FAS: variants seen among roughly 807,000 people sequenced by gnomAD.
FAS encodes tumor necrosis factor receptor superfamily member 6.
A neutral mutation model predicts 33.2 loss-of-function variants in FAS; 5 were observed. That is an observed-to-expected ratio of 0.15 (90% CI 0.08 to 0.32). The LOEUF (loss-of-function observed/expected upper bound fraction) is 0.32. Among genes scored for constraint, FAS ranks in the 10% least tolerant of loss-of-function variants. The pLI is 1.00. For missense variants in FAS, 339 were observed against 386.0 expected (o/e 0.88, Z 1.02); for synonymous variants, 131 against 130.7 (o/e 1.00, Z -0.01).
At chr10:89,007,635 A>G (rs947279537) in intron 2 of FAS, 65 bp from the exon 3 acceptor site, 19 of 1,592,670 alleles carry the variant, frequency 1.2e-5, no homozygotes, top group Middle Eastern at 1.7e-4. Context: ...TCATCCCTCT[A>G]TAGTTCCCAC....
intron 3 of FAS, among the ~76,000 whole-genome samples, chr10:89,008,255 C>G: frequency 6.6e-6 from 1 of 152,142 alleles, no homozygotes; most frequent in East Asian, 1.9e-4. Context: ...TTTAGTTTGT[C>G]CTGATAATTC....
chr10:89,009,990 C>T (rs548180711), intron 4 of FAS, among the ~76,000 whole-genome samples: 1 of 152,256 alleles, frequency 6.6e-6, no homozygotes, highest in African/African-American at 2.4e-5. Context: ...GCTGTGAACT[C>T]AGACAACCTG....
At chr10:88,967,808 A>G (rs1846346312) in intron 1 of FAS, among the ~76,000 whole-genome samples, 1 of 152,236 alleles carries the variant, frequency 6.6e-6, no homozygotes, top group African/African-American at 2.4e-5. Flanking sequence ...AACTCATTTC[A>G]ATCATCCCTA....
Position 89,004,136 on chromosome 10 carries a change from A to G in FAS, c.196+942A>G, listed in dbSNP as rs575646569. Among the ~76,000 whole-genome samples the G allele has an allele frequency of 9.2e-5, 14 of 152,276 alleles. No individual in the cohort carries two copies. The East Asian group carries it at 9.6e-4, about 10-fold the overall frequency. On this transcript the variant is annotated intron_variant, in intron 2 of 8. Coordinates refer to ENST00000652046, the MANE Select transcript of FAS (RefSeq NM_000043.6). ...TATTATAACCTGCTAAACACAATCAATTTGCTCTATGAATTGAAATCTTTG... is the reference window on the plus strand; with the variant it reads ...TATTATAACCTGCTAAACACAATCAGTTTGCTCTATGAATTGAAATCTTTG...
intron 2 of FAS, among the ~76,000 whole-genome samples, chr10:88,976,579 C>T (rs1846569609): frequency 6.6e-6 from 1 of 152,150 alleles, no homozygotes; most frequent in South Asian, 2.1e-4. Flanking sequence ...TTCCTTTCCA[C>T]TAAATTGAAA....
intron 2 of FAS, among the ~76,000 whole-genome samples, chr10:88,981,431 A>T (rs1333600958): frequency 6.6e-6 from 1 of 151,550 alleles, no homozygotes; most frequent in African/African-American, 2.4e-5. Flanking sequence ...CATCGTCGTG[A>T]TTTATACTTT....
intron 2 of FAS, chr10:88,974,453 A>G (rs1052075210): frequency 6.6e-6 from 1 of 152,244 alleles, no homozygotes; most frequent in South Asian, 2.1e-4. Flanking sequence ...AGAGAATGCA[A>G]TTTATTAAAT....
chr10:88,965,366 T>C (rs917255836), intron 1 of FAS, among the ~76,000 whole-genome samples: 1 of 152,178 alleles, frequency 6.6e-6, no homozygotes, highest in Admixed American at 6.6e-5. Flanking sequence ...GCAATGACCA[T>C]CTCAGACGTT....
At chr10:88,972,802 T>C (rs578186233) in intron 1 of FAS, among the ~76,000 whole-genome samples, 2 of 152,352 alleles carry the variant, frequency 1.3e-5, no homozygotes, top group South Asian at 4.1e-4. Context: ...TCTAGTTAAC[T>C]ATATGTGCTA....
chr10:89,013,590 T>C, intron 8 of FAS, among the ~76,000 whole-genome samples: 1 of 152,206 alleles, frequency 6.6e-6, no homozygotes, highest in East Asian at 1.9e-4. Context: ...GACACAATAG[T>C]CTGAGGCTTA....
At chr10:88,987,594 T>C (rs1846941654), upstream of FAS, among the ~76,000 whole-genome samples, 1 of 152,178 alleles carries the variant, frequency 6.6e-6, no homozygotes, top group South Asian at 2.1e-4. Context: ...TCAAATCCAA[T>C]GAAAAAGAAA....
intron 1 of FAS, among the ~76,000 whole-genome samples, chr10:88,965,806 CT>C (rs1846309069): frequency 6.6e-6 from 1 of 152,154 alleles, no homozygotes; most frequent in African/African-American, 2.4e-5. Flanking sequence ...TGATCCACTG[CT>C]GGTTTGGGCT....
intron 6 of FAS, among the ~76,000 whole-genome samples, 176 bp from the exon 7 acceptor site, chr10:89,011,821 CTT>C (rs1216535174): frequency 6.6e-6 from 1 of 152,232 alleles, no homozygotes; most frequent in Non-Finnish European, 1.5e-5. Context: ...CACTAGAACA[CTT>C]GACTTAGTAG....
chr10:89,003,001 A>C (rs746068847), intron 1 of FAS, 28 bp from the exon 2 acceptor site: 3 of 1,613,688 alleles, frequency 1.9e-6, no homozygotes, highest in South Asian at 2.2e-5. Context: ...GAAATCAATA[A>C]AATTCTCTTC....
In FAS at chr10:89,015,603, A is replaced by G. The variant is rs986613204; in HGVS notation, c.*1153A>G. ...TTAAATATCTTTGAAAGTTTGTATT[A>G]AATGTGAATTTTAAGAAATAATATT... On this transcript the variant is annotated 3_prime_UTR_variant, in exon 9 of 9. Transcript: ENST00000652046. 2.4e-5 allele frequency: 12 copies of G among 505,364 alleles called. No homozygotes were observed. Among genetic ancestry groups the G allele is most frequent in the Non-Finnish European group, 4.2e-5 (11 of 264,436 alleles). 31.3% of individuals were successfully genotyped at this position (505,364 alleles called of 1,614,324 possible).
At chr10:88,972,898 G>T (rs2133327649) in intron 1 of FAS, among the ~76,000 whole-genome samples, 1 of 152,136 alleles carries the variant, frequency 6.6e-6, no homozygotes, top group East Asian at 1.9e-4. Flanking sequence ...AGGTAATTTT[G>T]TAGGATACTA....
intron 1 of FAS, among the ~76,000 whole-genome samples, chr10:88,996,351 A>G (rs1471170915): frequency 6.6e-6 from 1 of 152,142 alleles, no homozygotes; most frequent in Middle Eastern, 3.2e-3. Context: ...CAGAAAGACA[A>G]ATACTGCATG....
chr10:88,993,827 A>G (rs1323334699), intron 1 of FAS, among the ~76,000 whole-genome samples: 1 of 152,222 alleles, frequency 6.6e-6, no homozygotes, highest in African/African-American at 2.4e-5. Flanking sequence ...AATGGGCCAT[A>G]TTTACATCAC....
chr10:88,989,139 T>C (rs1390736363), upstream of FAS, among the ~76,000 whole-genome samples: 1 of 152,238 alleles, frequency 6.6e-6, no homozygotes, highest in Non-Finnish European at 1.5e-5. Flanking sequence ...GTAAGTTTAA[T>C]AATCACTCAT....
Sources: allele counts gnomAD v4.1 joint callset (sites outside exome capture counted in the v4.1 genomes callset), GRCh38; gene constraint gnomAD v4.1.1; transcripts MANE v1.5; gene names NCBI Gene and HGNC (gene_info 2026-07-23, HGNC 2026-07-21).